The following BIRC6 variants were observed in gnomAD, a reference collection of about 807,000 sequenced individuals.
BIRC6 encodes the protein baculoviral IAP repeat containing 6.
BIRC6 carries 98 observed loss-of-function variants against 503.3 expected under a neutral mutation model. The observed-to-expected ratio is 0.19, with a 90% CI of 0.17 to 0.23. The LOEUF is 0.23. Ranked by LOEUF, BIRC6 falls within the 10% of genes least tolerant of loss-of-function variation. The probability of loss-of-function intolerance (pLI) is 1.00; values close to 1 mark genes in which losing one functional copy is unlikely to be tolerated. For missense variants in BIRC6, 5,360 were observed against 5,806.0 expected, an observed-to-expected ratio of 0.92 and a Z score of 2.50; for synonymous variants, 2,240 against 2,078.7, an observed-to-expected ratio of 1.08 and a Z score of -2.11.
chr2:32,604,789 T>C (rs963479647), intron 71 of BIRC6, among the ~76,000 whole-genome samples: 1 of 152,196 alleles, frequency 6.6e-6, no homozygotes, highest in Non-Finnish European at 1.5e-5. Context: ...ATAGGTAAAC[T>C]CACGTCACAA....
chr2:32,407,054 T>G (rs1192269996), intron 9 of BIRC6, among the ~76,000 whole-genome samples: 1 of 152,224 alleles, frequency 6.6e-6, no homozygotes, highest in Non-Finnish European at 1.5e-5. Flanking sequence ...AAAATAGTTT[T>G]ACTATGTCAG....
rs1257348022 is a variant in BIRC6 at position 32,471,043 on chromosome 2, G to A, written c.6511G>A (p.Val2171Ile). The A allele has an allele frequency of 3.8e-5, 60 of 1,579,344 alleles. 1 individual carries two copies. The Admixed American group carries it at 1.1e-3, about 28-fold the overall frequency. ...ACTAGATATTCCCATGATCAGTTGGGTTGTTATGCTGGTGTCCAGGTTGCT... is the reference window on the plus strand; with the variant it reads ...ACTAGATATTCCCATGATCAGTTGGATTGTTATGCTGGTGTCCAGGTTGCT... ...GVLDIPMISW[V>I]VMLVSRLLDY... Residue 2171 changes from valine (V) to isoleucine (I), a missense_variant, in exon 32 of 74, where the codon GTT becomes ATT. Around this residue, in one of 16 missense-constraint regions of BIRC6, gnomAD observed 2,299 missense variants for 2,267.2 expected, o/e 1.01. Transcript: ENST00000421745.
intron 63 of BIRC6, among the ~76,000 whole-genome samples, chr2:32,546,067 A>G (rs1473978626): frequency 6.6e-6 from 1 of 152,156 alleles, no homozygotes; most frequent in Non-Finnish European, 1.5e-5. Flanking sequence ...TCTACTTGAA[A>G]AGCAGAAAAG....
chr2:32,424,310 C>T (rs1402768901), intron 10 of BIRC6, among the ~76,000 whole-genome samples: 1 of 151,998 alleles, frequency 6.6e-6, no homozygotes, highest in East Asian at 1.9e-4. Context: ...TCCACAGTTT[C>T]AGTCATCACT....
intron 39 of BIRC6, 40 bp from the exon 40 acceptor site, chr2:32,485,603 A>G (rs746964020): frequency 4.5e-6 from 6 of 1,337,442 alleles, no homozygotes; most frequent in African/African-American, 1.4e-5. Flanking sequence ...ATGAGTAATA[A>G]TTGTCAATGT....
chr2:32,535,813 A>G (rs1484041057), intron 61 of BIRC6, among the ~76,000 whole-genome samples: 3 of 152,230 alleles, frequency 2.0e-5, no homozygotes, highest in Admixed American at 6.5e-5. Context: ...TCCTTTGGGT[A>G]TATACCCAGT....
At chr2:32,504,070 G>A (rs2053524833) in intron 49 of BIRC6, among the ~76,000 whole-genome samples, 1 of 148,618 alleles carries the variant, frequency 6.7e-6, no homozygotes, top group African/African-American at 2.5e-5. Flanking sequence ...GTGTGTGTGT[G>A]TGTGTGTTTA....
chr2:32,595,687 A>G (rs527850822), intron 68 of BIRC6, among the ~76,000 whole-genome samples: 86 of 152,338 alleles, frequency 5.6e-4, no homozygotes, highest in Admixed American at 1.5e-3. Flanking sequence ...ATTATTGTCT[A>G]TGCTGCTTTT....
Position 32,464,696 on chromosome 2 carries a change from C to T in BIRC6, c.5129C>T (p.Thr1710Ile). ...TTPLFMTPPL[T>I]PPNEAVSVVI... is the part of the protein sequence containing the mutation. ...CCTCTTTTTATGACTCCACCACTCACTCCACCCAATGAAGCAGTTTCCGTT... is the reference window on the plus strand; with the variant it reads ...CCTCTTTTTATGACTCCACCACTCATTCCACCCAATGAAGCAGTTTCCGTT... The change falls in exon 25 of 74, where the codon ACT becomes ATT. Residue 1710 changes from threonine (T) to isoleucine (I), a missense_variant. By Grantham distance (89) the Thr-to-Ile change is moderately conservative. Around this residue, in one of 16 missense-constraint regions of BIRC6, gnomAD observed 2,299 missense variants for 2,267.2 expected, o/e 1.01. Transcript: ENST00000421745. 6.2e-7 allele frequency: 1 copy of T among 1,613,984 alleles called. No individual in the cohort carries two copies. Among genetic ancestry groups the T allele is most frequent in the Non-Finnish European group, 8.5e-7 (1 of 1,179,892 alleles).
intron 5 of BIRC6, among the ~76,000 whole-genome samples, chr2:32,393,335 G>C (rs1257828127): frequency 1.3e-5 from 2 of 152,096 alleles, no homozygotes; most frequent in Non-Finnish European, 2.9e-5. Context: ...ATTATAAAAA[G>C]CTTTGCTGAA....
At chr2:32,447,593 C>G (rs2046186334) in intron 21 of BIRC6, among the ~76,000 whole-genome samples, 1 of 114,654 alleles carries the variant, frequency 8.7e-6, no homozygotes, top group Non-Finnish European at 1.8e-5. Context: ...GGGCGGCTGG[C>G]CAGGCGGGGG....
Position 32,618,775 on chromosome 2 carries a change from G to T in BIRC6, c.*871G>T, listed in dbSNP as rs1224839830. ...ACATTGAGGCTCTGTAGAGGAGAGA[G>T]GATGTACCTCTCTGGTGCTGTTACA... is the stretch of plus-strand genomic sequence containing the variant. On this transcript the variant is annotated 3_prime_UTR_variant, in exon 74 of 74. Transcript: ENST00000421745. The T allele has an allele frequency of 6.6e-6, 1 of 152,528 alleles. No homozygotes were observed. Among genetic ancestry groups the T allele is most frequent in the Non-Finnish European group, 1.5e-5 (1 of 68,036 alleles). 9.4% of individuals were successfully genotyped at this position (152,528 alleles called of 1,614,324 possible).
chr2:32,495,063 A>T (rs1039107727), intron 45 of BIRC6, among the ~76,000 whole-genome samples: 3 of 152,236 alleles, frequency 2.0e-5, no homozygotes, highest in Non-Finnish European at 4.4e-5. Flanking sequence ...AGGAATAAAG[A>T]TTAGTCATCA....
At chr2:32,427,271 T>C (rs1312039971) in intron 10 of BIRC6, among the ~76,000 whole-genome samples, 1 of 150,800 alleles carries the variant, frequency 6.6e-6, no homozygotes, top group African/African-American at 2.4e-5. Flanking sequence ...AAGCTTCTTT[T>C]AATTTTTATT....
In BIRC6 at chr2:32,589,627, T is replaced by A. The variant is rs1310213960; in HGVS notation, c.13356-4288T>A. On this transcript the variant is annotated intron_variant, in intron 66 of 73. Coordinates refer to ENST00000421745, the MANE Select transcript of BIRC6 (RefSeq NM_016252.4). ...TATACCCATATATTTCTTTAAACAT[T>A]CCTGTTTTTGATGGTGGTAAACAAG... Among the ~76,000 whole-genome samples, 3 of 152,332 alleles carry A rather than the reference T, an allele frequency of 2.0e-5. No homozygotes were observed. The East Asian group carries it at 5.8e-4, about 29-fold the overall frequency.
chr2:32,481,406 T>C lies in BIRC6; in HGVS notation c.7495T>C (p.Leu2499=). Reference sequence around the variant, plus strand: ...TCTAATGGAAGTTGACATTGATCCTTTAGATATTGATTTGGAAAAGGACCC... The same window carrying C: ...TCTAATGGAAGTTGACATTGATCCTCTAGATATTGATTTGGAAAAGGACCC... ...QDLMEVDIDP[L]DIDLEKDPLA... The change falls in exon 38 of 74, where the codon TTA becomes CTA. Residue 2499 remains leucine, a synonymous_variant. Transcript: ENST00000421745. 3.1e-6 allele frequency: 5 copies of C among 1,611,992 alleles called. No homozygotes were observed. The highest frequency in any genetic ancestry group is 4.2e-6 in the Non-Finnish European group (5 of 1,178,890).
chr2:32,507,929 C>A, intron 50 of BIRC6, 51 bp from the exon 51 acceptor site: 1 of 1,521,644 alleles, frequency 6.6e-7, no homozygotes, highest in South Asian at 1.3e-5. Context: ...ATAAACTGTT[C>A]AATCTAGTAT....
intron 53 of BIRC6, among the ~76,000 whole-genome samples, chr2:32,512,622 A>G (rs1248691655): frequency 6.6e-6 from 1 of 152,162 alleles, no homozygotes; most frequent in Non-Finnish European, 1.5e-5. Flanking sequence ...GGGTCCAGGG[A>G]TGTGAAACGT....
chr2:32,461,589 GTT>G (rs202245830), intron 23 of BIRC6, among the ~76,000 whole-genome samples: 4 of 141,926 alleles, frequency 2.8e-5, no homozygotes, highest in South Asian at 2.2e-4. Context: ...AATGAGTGGT[GTT>G]TTTTTTTTTT....
Sources: allele counts gnomAD v4.1 joint callset (sites outside exome capture counted in the v4.1 genomes callset), GRCh38; gene constraint gnomAD v4.1.1; regional missense constraint gnomAD v4.1.1; transcripts MANE v1.5; gene names NCBI Gene and HGNC (gene_info 2026-07-23, HGNC 2026-07-21).